KLF12: variants seen among roughly 807,000 people sequenced by gnomAD.
KLF12 encodes the protein KLF transcription factor 12.
A neutral mutation model predicts 37.8 loss-of-function variants in KLF12; 9 were observed. The ratio of observed to expected loss-of-function variants is 0.24; its 90% confidence interval spans 0.14 to 0.42. The LOEUF (loss-of-function observed/expected upper bound fraction) is 0.42, where lower values mean the gene tolerates loss of function less well. KLF12 is among the 10% of genes least tolerant of loss of function. The pLI, the probability that KLF12 is intolerant of heterozygous loss-of-function variation, is 1.00. For missense variants in KLF12, 411 were observed against 516.0 expected (o/e 0.80, Z 1.97); for synonymous variants, 208 against 202.1 (o/e 1.03, Z -0.25).
intron 6 of KLF12, among the ~76,000 whole-genome samples, chr13:73,750,330 C>T (rs1452297503): frequency 6.6e-6 from 1 of 152,178 alleles, no homozygotes. Context: ...ATCATTCAAA[C>T]TCCGGGCTTC....
At chr13:74,014,055 G>A (rs1189157514) in intron 1 of KLF12, among the ~76,000 whole-genome samples, 1 of 152,118 alleles carries the variant, frequency 6.6e-6, no homozygotes, top group East Asian at 1.9e-4. Context: ...ATAGGCTATT[G>A]AGCATAACTT....
chr13:74,066,107 C>G (rs1873900695), intron 1 of KLF12, among the ~76,000 whole-genome samples: 1 of 152,032 alleles, frequency 6.6e-6, no homozygotes, highest in African/African-American at 2.4e-5. Flanking sequence ...CCATCCACAT[C>G]CACAGGTCAG....
chr13:73,711,652 G>A (rs551944061), intron 7 of KLF12, among the ~76,000 whole-genome samples: 3 of 152,278 alleles, frequency 2.0e-5, no homozygotes, highest in African/African-American at 7.2e-5. Flanking sequence ...ACTGCTCACT[G>A]ACAATGCACC....
intron 1 of KLF12, among the ~76,000 whole-genome samples, chr13:74,025,800 A>G (rs533800422): frequency 3.7e-4 from 57 of 152,316 alleles, no homozygotes; most frequent in African/African-American, 1.3e-3. Flanking sequence ...TGACTGGATG[A>G]CATTACCAAA....
At chr13:73,949,031 C>A (rs1252821333) in intron 2 of KLF12, among the ~76,000 whole-genome samples, 1 of 152,178 alleles carries the variant, frequency 6.6e-6, no homozygotes, top group African/African-American at 2.4e-5. Flanking sequence ...ATCCTCACTG[C>A]AACCCAAGAG....
At chr13:73,887,493 T>C (rs1887288098) in intron 3 of KLF12, among the ~76,000 whole-genome samples, 1 of 152,138 alleles carries the variant, frequency 6.6e-6, no homozygotes, top group South Asian at 2.1e-4. Context: ...GCTCACCCCA[T>C]GTTAAACGGC....
chr13:74,300,722 A>G, the KLF12 span, among the ~76,000 whole-genome samples: 2 of 152,176 alleles, frequency 1.3e-5, no homozygotes, highest in East Asian at 3.9e-4. Context: ...GCCATCTGAT[A>G]GTAATATTGA....
the KLF12 span, among the ~76,000 whole-genome samples, chr13:74,253,217 T>A: frequency 6.6e-6 from 1 of 152,202 alleles, no homozygotes; most frequent in African/African-American, 2.4e-5. Flanking sequence ...GCAACATTTT[T>A]AAAAAGTATA....
the KLF12 span, among the ~76,000 whole-genome samples, chr13:74,220,749 A>G: frequency 6.6e-6 from 1 of 152,148 alleles, no homozygotes; most frequent in Non-Finnish European, 1.5e-5. Context: ...TGCACTCCAC[A>G]TATAAGATCA....
At chr13:73,971,253 T>A (rs1226586224) in intron 2 of KLF12, among the ~76,000 whole-genome samples, 2 of 152,158 alleles carry the variant, frequency 1.3e-5, no homozygotes, top group Admixed American at 1.3e-4. Flanking sequence ...CAAACACATT[T>A]AAGGATTTTT....
intron 2 of KLF12, among the ~76,000 whole-genome samples, chr13:73,974,320 A>AAAAGAAAAAAAAAAT (rs397704620): frequency 6.6e-6 from 1 of 151,508 alleles, no homozygotes; most frequent in Non-Finnish European, 1.5e-5. Context: ...CAAAAAAAAA[A>AAAAGAAAAAAAAAAT]GAATTCTGCA....
chr13:73,940,606 A>G (rs537174657), intron 3 of KLF12, among the ~76,000 whole-genome samples: 71 of 152,286 alleles, frequency 4.7e-4, no homozygotes, highest in Non-Finnish European at 2.5e-4. Flanking sequence ...TTATCTATTG[A>G]CTGGTTTTAT....
At chr13:74,108,308 A>G (rs1876770675) in intron 1 of KLF12, among the ~76,000 whole-genome samples, 1 of 152,042 alleles carries the variant, frequency 6.6e-6, no homozygotes, top group South Asian at 2.1e-4. Flanking sequence ...AATTCAGATG[A>G]CCACTTCATT....
chr13:74,059,829 T>C (rs150934344), intron 1 of KLF12, among the ~76,000 whole-genome samples: 212 of 152,356 alleles, frequency 1.4e-3, no homozygotes, highest in Non-Finnish European at 2.1e-3. Flanking sequence ...TTTTGGGGAA[T>C]TAGCCATAAA....
intron 3 of KLF12, among the ~76,000 whole-genome samples, chr13:73,856,786 C>G (rs1170289621): frequency 6.6e-6 from 1 of 151,936 alleles, no homozygotes; most frequent in African/African-American, 2.4e-5. Context: ...CTCAGGAGTT[C>G]GAGACCAGCC....
chr13:73,816,616 C>T (rs924561756), intron 4 of KLF12, among the ~76,000 whole-genome samples: 4 of 152,116 alleles, frequency 2.6e-5, no homozygotes, highest in Non-Finnish European at 5.9e-5. Flanking sequence ...TATAACGATC[C>T]CTCCAATAAA....
chr13:73,841,737 C>T (rs1325806386), intron 4 of KLF12, among the ~76,000 whole-genome samples: 7 of 152,114 alleles, frequency 4.6e-5, no homozygotes, highest in African/African-American at 1.7e-4. Context: ...ACCGCAATTA[C>T]TTTTGCACCA....
At chr13:73,870,671 G>A (rs1409974820) in intron 3 of KLF12, among the ~76,000 whole-genome samples, 1 of 152,190 alleles carries the variant, frequency 6.6e-6, no homozygotes, top group Non-Finnish European at 1.5e-5. Flanking sequence ...GACCTGATGA[G>A]GCTGAAGTCA....
the KLF12 span, among the ~76,000 whole-genome samples, chr13:74,267,635 T>C: frequency 6.6e-6 from 1 of 152,070 alleles, no homozygotes; most frequent in Non-Finnish European, 1.5e-5. Context: ...AAAATTATGG[T>C]TATAGAGAAG....
Sources: allele counts gnomAD v4.1 joint callset (sites outside exome capture counted in the v4.1 genomes callset), GRCh38; gene constraint gnomAD v4.1.1; transcripts MANE v1.5; gene names NCBI Gene and HGNC (gene_info 2026-07-23, HGNC 2026-07-21).